Variants in URM1 observed in about 807,000 individuals in gnomAD.
URM1 encodes ubiquitin related modifier 1.
URM1 carries 11 observed loss-of-function variants against 17.7 expected under a neutral mutation model. The ratio of observed to expected loss-of-function variants is 0.62; its 90% CI spans 0.39 to 1.03. URM1 has a LOEUF of 1.03. Among genes scored for constraint, URM1 ranks in the 50% least tolerant of loss-of-function variants. The pLI, the probability that URM1 is intolerant of heterozygous loss-of-function variation, is 0.00. For missense variants in URM1, 128 were observed against 129.2 expected, an observed-to-expected ratio of 0.99 and a Z score of 0.04; for synonymous variants, 48 against 50.6, an observed-to-expected ratio of 0.95 and a Z score of 0.22.
intron 3 of URM1, chr9:128,388,666 C>T: frequency 1.0e-6 from 1 of 985,718 alleles, no homozygotes; most frequent in Non-Finnish European, 1.2e-6. Context: ...CAGTGGGAGC[C>T]AGGCTAAGCT....
intron 1 of URM1, among the ~76,000 whole-genome samples, chr9:128,373,903 T>C (rs553767365): frequency 6.6e-6 from 1 of 152,224 alleles, no homozygotes; most frequent in South Asian, 2.1e-4. Flanking sequence ...ATAAACAAAA[T>C]ATATATATAC....
At position 128,387,668 on chromosome 9, in the gene URM1, A is replaced by C; in HGVS notation, c.107-148A>C. 7.5e-7 allele frequency: 1 copy of C among 1,332,012 alleles called. No individual in the cohort carries two copies. The highest frequency in any genetic ancestry group is 1.5e-5 in the African/African-American group (1 of 68,770). 82.5% of individuals were successfully genotyped at this position (1,332,012 alleles called of 1,614,324 possible). ...TCCTAACCTGTTTCCTCACCTTTGGAATCTACAAGTTCATGGGCTATCACA... is the reference window on the plus strand; with the variant it reads ...TCCTAACCTGTTTCCTCACCTTTGGCATCTACAAGTTCATGGGCTATCACA... On this transcript the variant is annotated intron_variant, in intron 2 of 4. Coordinates refer to ENST00000372853, the MANE Select transcript of URM1 (RefSeq NM_030914.4). This position sits in a 1 kb window ranked among gnomAD's most constrained non-coding sequence, Gnocchi z 4.3.
intron 2 of URM1, among the ~76,000 whole-genome samples, chr9:128,385,148 A>G (rs1588585510): frequency 6.6e-6 from 1 of 151,954 alleles, no homozygotes; most frequent in Non-Finnish European, 1.5e-5. Flanking sequence ...TGAGCTTCTT[A>G]CCTTCTCTGT....
intron 1 of URM1, among the ~76,000 whole-genome samples, chr9:128,377,752 T>G (rs1480142268): frequency 6.6e-6 from 1 of 152,136 alleles, no homozygotes; most frequent in African/African-American, 2.4e-5. Context: ...TCCTAGCTAC[T>G]TGGGAGGTTG....
rs1416171705 is a variant in URM1, at chr9:128,387,920, C to A, written c.188+23C>A. ...CGTGTGAGTCCCACTCCTCCCTTCCCTGAAGCAGGTGGAGGGAGGGACGGA... is the reference window on the plus strand; with the variant it reads ...CGTGTGAGTCCCACTCCTCCCTTCCATGAAGCAGGTGGAGGGAGGGACGGA... On this transcript the variant is annotated intron_variant, in intron 3 of 4. Coordinates refer to ENST00000372853, the MANE Select transcript of URM1 (RefSeq NM_030914.4). The surrounding 1 kb of genome is among the most constrained non-coding windows in gnomAD (Gnocchi z 4.3). 6.2e-7 allele frequency: 1 copy of A among 1,613,754 alleles called. No individual in the cohort carries two copies. The highest frequency in any genetic ancestry group is 8.5e-7 in the Non-Finnish European group (1 of 1,179,918).
rs768539939 is a variant in URM1, at chr9:128,378,090, T to C, written c.90T>C (p.Pro30=). Residue 30 remains proline (P), a synonymous_variant, in exon 2 of 5, where the codon CCT becomes CCC. Transcript: ENST00000372853. ...DGIKKHRVTL[P]GQEEPWDIRN... ...TTAAGAAACATCGAGTCACTTTGCCTGGACAGGAGGAACCCTGTGAGTATT... is the reference window on the plus strand; with the variant it reads ...TTAAGAAACATCGAGTCACTTTGCCCGGACAGGAGGAACCCTGTGAGTATT... 6.2e-7 allele frequency: 1 copy of C among 1,609,222 alleles called. No homozygotes were observed. The highest frequency in any genetic ancestry group is 8.5e-7 in the Non-Finnish European group (1 of 1,177,830).
chr9:128,383,262 CG>C (rs1262049819), intron 2 of URM1, among the ~76,000 whole-genome samples: 6 of 152,148 alleles, frequency 3.9e-5, no homozygotes, highest in Non-Finnish European at 8.8e-5. Context: ...GAGGTCCCCT[CG>C]CACATCTGTA....
chr9:128,380,318 T>C (rs1833142052), intron 2 of URM1, among the ~76,000 whole-genome samples: 1 of 151,800 alleles, frequency 6.6e-6, no homozygotes, highest in African/African-American at 2.4e-5. Context: ...CTGCCACACG[T>C]GGAGGCTGGG....
At chr9:128,389,431 C>G (rs774521518) in intron 4 of URM1, 122 bp downstream of exon 4, 9 of 1,591,792 alleles carry the variant, frequency 5.7e-6, no homozygotes, top group Non-Finnish European at 7.7e-6. Flanking sequence ...CACTCCAGCC[C>G]CACACTGAGG....
chr9:128,372,893 G>A (rs1340279336), intron 1 of URM1, among the ~76,000 whole-genome samples: 1 of 151,830 alleles, frequency 6.6e-6, no homozygotes, highest in Admixed American at 6.6e-5. Flanking sequence ...TGGCAACATG[G>A]GGAGACTTCA....
At chr9:128,389,084 G>C in intron 3 of URM1, 177 bp from the exon 4 acceptor site, 1 of 1,413,376 alleles carries the variant, frequency 7.1e-7, no homozygotes. Context: ...ATGCATGACT[G>C]ACCTGGTTTC....
intron 2 of URM1, among the ~76,000 whole-genome samples, chr9:128,386,498 C>G (rs74326936): frequency 0.083 from 12,688 of 152,294 alleles, 746 homozygotes; most frequent in East Asian, 0.18. Flanking sequence ...TGCCCGTGGC[C>G]CTGTGCTTTG....
At position 128,389,594 on chromosome 9, in the gene URM1, T is replaced by G. The variant is rs536714521; in HGVS notation, c.238-72T>G. ...CAGAGCAGCCAGTCCTCAGCCCCTG[T>G]TCTCCCAACTCCTGGGGTGGACCTG... is the stretch of plus-strand genomic sequence containing the variant. On this transcript the variant is annotated intron_variant, in intron 4 of 4. Transcript: ENST00000372853. 9 of 1,602,894 alleles carry G rather than the reference T, an allele frequency of 5.6e-6. No homozygotes were observed. In the East Asian group the frequency reaches 2.0e-4, roughly 36 times the overall value.
At chr9:128,377,901 A>G in intron 1 of URM1, 135 bp from the exon 2 acceptor site, 1 of 804,750 alleles carries the variant, frequency 1.2e-6, no homozygotes. Flanking sequence ...CACTGCACCC[A>G]AGGTGTTTCT....
At chr9:128,377,578 G>A (rs1369318620) in intron 1 of URM1, among the ~76,000 whole-genome samples, 1 of 152,164 alleles carries the variant, frequency 6.6e-6, no homozygotes, top group South Asian at 2.1e-4. Context: ...GCTGAGGCAC[G>A]AGAATCACTT....
chr9:128,375,916 G>T (rs925365063), intron 1 of URM1, among the ~76,000 whole-genome samples: 1 of 152,134 alleles, frequency 6.6e-6, no homozygotes, highest in Non-Finnish European at 1.5e-5. Context: ...CACATCTAAG[G>T]TCTCAACATA....
intron 1 of URM1, among the ~76,000 whole-genome samples, chr9:128,371,923 C>G (rs546721343): frequency 6.5e-4 from 99 of 152,302 alleles, no homozygotes; most frequent in Non-Finnish European, 1.1e-3. Context: ...AGACCTGAGC[C>G]TCCTTCAGGA....
intron 1 of URM1, among the ~76,000 whole-genome samples, chr9:128,373,992 T>C (rs1833045020): frequency 6.6e-6 from 1 of 152,260 alleles, no homozygotes; most frequent in Non-Finnish European, 1.5e-5. Flanking sequence ...TGAGAATATC[T>C]ATACCTGTCA....
At chr9:128,372,635 T>C (rs1833028223) in intron 1 of URM1, among the ~76,000 whole-genome samples, 1 of 152,180 alleles carries the variant, frequency 6.6e-6, no homozygotes, top group East Asian at 1.9e-4. Context: ...CAATTAGAAC[T>C]GTATTGGTCT....
Sources: allele counts gnomAD v4.1 joint callset (sites outside exome capture counted in the v4.1 genomes callset), GRCh38; gene constraint gnomAD v4.1.1; non-coding constraint Gnocchi (gnomAD v3.1); transcripts MANE v1.5; gene names NCBI Gene and HGNC (gene_info 2026-07-23, HGNC 2026-07-21).